The following SPOCK3 variants were observed in gnomAD, a reference collection of about 807,000 sequenced individuals.
SPOCK3 encodes testican-3.
SPOCK3 carries 30 observed loss-of-function variants against 56.6 expected under a neutral mutation model. The observed-to-expected ratio is 0.53, with a 90% CI of 0.40 to 0.72. The LOEUF (loss-of-function observed/expected upper bound fraction) is 0.72, where lower values mean the gene tolerates loss of function less well. Ranked by LOEUF, SPOCK3 falls within the 30% of genes least tolerant of loss-of-function variation. SPOCK3 has a pLI of 0.00. For synonymous variants in SPOCK3, 196 were observed against 183.3 expected (o/e 1.07, Z -0.56); for missense variants, 527 against 530.0 (o/e 0.99, Z 0.06).
intron 2 of SPOCK3, among the ~76,000 whole-genome samples, chr4:167,104,091 G>A (rs918001410): frequency 2.6e-5 from 4 of 152,212 alleles, no homozygotes; most frequent in Admixed American, 6.5e-5. Flanking sequence ...TTTCAAGTAC[G>A]TAAAAAGTCT....
intron 3 of SPOCK3, among the ~76,000 whole-genome samples, chr4:167,042,209 G>C (rs563217500): frequency 4.1e-4 from 62 of 152,226 alleles, no homozygotes; most frequent in Non-Finnish European, 6.9e-4. Context: ...CTTTAGTCAG[G>C]CCTCCTTATC....
intron 4 of SPOCK3, among the ~76,000 whole-genome samples, chr4:166,981,573 TG>T (rs1746577025): frequency 6.6e-6 from 1 of 152,118 alleles, no homozygotes; most frequent in African/African-American, 2.4e-5. Flanking sequence ...AGGGAGGAAG[TG>T]CATGCTGATT....
At chr4:166,775,164 A>G (rs1386264262) in intron 7 of SPOCK3, among the ~76,000 whole-genome samples, 2 of 152,160 alleles carry the variant, frequency 1.3e-5, no homozygotes, top group African/African-American at 4.8e-5. Context: ...ATCTATGGTC[A>G]GAGCATGATT....
chr4:167,221,748 T>G (rs1369138407), intron 2 of SPOCK3, among the ~76,000 whole-genome samples: 1 of 152,070 alleles, frequency 6.6e-6, no homozygotes, highest in Non-Finnish European at 1.5e-5. Context: ...AAAACCACAA[T>G]ATCAACTCAC....
At position 166,742,544 on chromosome 4, in the gene SPOCK3, G is replaced by T. The variant is rs959140895; in HGVS notation, c.932-485C>A. Reference sequence around the variant, plus strand: ...TTCTGTGATATAGACAAGTAACTTTGTGTTACAAAAGTAATCTAGGAAAAA... The same window carrying T: ...TTCTGTGATATAGACAAGTAACTTTTTGTTACAAAAGTAATCTAGGAAAAA... On this transcript the variant is annotated intron_variant, in intron 8 of 10. Coordinates refer to ENST00000357545, the MANE Select transcript of SPOCK3 (RefSeq NM_001040159.2). 2.0e-5 allele frequency among the ~76,000 whole-genome samples: 3 copies of T among 151,994 alleles called. No homozygotes were observed. In the East Asian group the frequency reaches 5.8e-4, roughly 29 times the overall value.
intron 6 of SPOCK3, among the ~76,000 whole-genome samples, chr4:166,846,799 G>C (rs963918901): frequency 1.3e-5 from 2 of 152,038 alleles, no homozygotes; most frequent in African/African-American, 4.8e-5. Context: ...TAGCCTAACA[G>C]AATATTGTAG....
chr4:166,771,239 T>TAA (rs1738896042), intron 7 of SPOCK3, among the ~76,000 whole-genome samples: 1 of 151,896 alleles, frequency 6.6e-6, no homozygotes, highest in East Asian at 1.9e-4. Flanking sequence ...GGTATATATA[T>TAA]AATTTACAAT....
intron 3 of SPOCK3, among the ~76,000 whole-genome samples, chr4:167,056,682 A>G (rs2150232615): frequency 6.6e-6 from 1 of 152,334 alleles, no homozygotes; most frequent in Non-Finnish European, 1.5e-5. Flanking sequence ...AAGAAAGGGT[A>G]TCAGTGATGG....
intron 2 of SPOCK3, among the ~76,000 whole-genome samples, chr4:167,166,131 T>C (rs1765740588): frequency 6.6e-6 from 1 of 152,206 alleles, no homozygotes; most frequent in Middle Eastern, 3.4e-3. Flanking sequence ...AAATTACTAC[T>C]GTTATAAAAC....
At chr4:166,888,538 TAAGTC>T (rs1298882581) in intron 6 of SPOCK3, among the ~76,000 whole-genome samples, 5 of 152,038 alleles carry the variant, frequency 3.3e-5, no homozygotes, top group African/African-American at 4.8e-5. Flanking sequence ...TAAATAATCT[TAAGTC>T]AAGTTATATA....
chr4:166,848,921 G>C (rs1197226464), intron 6 of SPOCK3, among the ~76,000 whole-genome samples: 2 of 152,150 alleles, frequency 1.3e-5, no homozygotes, highest in Non-Finnish European at 2.9e-5. Flanking sequence ...TGTAAACTAT[G>C]TCGTTGATTG....
chr4:167,160,788 G>A (rs548405810), intron 2 of SPOCK3, among the ~76,000 whole-genome samples: 48 of 152,250 alleles, frequency 3.2e-4, no homozygotes, highest in African/African-American at 1.2e-3. Flanking sequence ...CAAGAAATGG[G>A]AAAGGACTCC....
At chr4:167,110,289 T>C (rs552040605) in intron 2 of SPOCK3, among the ~76,000 whole-genome samples, 1 of 152,068 alleles carries the variant, frequency 6.6e-6, no homozygotes, top group Admixed American at 6.6e-5. Flanking sequence ...CCATCTTTCC[T>C]CAGGTTATGG....
intron 2 of SPOCK3, among the ~76,000 whole-genome samples, chr4:167,167,932 A>C (rs1242208053): frequency 1.3e-5 from 2 of 152,074 alleles, no homozygotes; most frequent in Non-Finnish European, 2.9e-5. Context: ...GAGAAAACTG[A>C]ATCATGGGGG....
chr4:167,135,820 C>T (rs889428466), intron 2 of SPOCK3, among the ~76,000 whole-genome samples: 1 of 151,962 alleles, frequency 6.6e-6, no homozygotes, highest in African/African-American at 2.4e-5. Flanking sequence ...AAGGAAAACA[C>T]ATTCATTCTC....
At chr4:167,216,453 C>T (rs1054113023) in intron 2 of SPOCK3, among the ~76,000 whole-genome samples, 10 of 151,992 alleles carry the variant, frequency 6.6e-5, no homozygotes, top group African/African-American at 2.4e-4. Context: ...AGGTTATCTA[C>T]AAGACTAGCC....
intron 7 of SPOCK3, among the ~76,000 whole-genome samples, chr4:166,764,000 G>T (rs1350196490): frequency 6.6e-6 from 1 of 152,016 alleles, no homozygotes; most frequent in Non-Finnish European, 1.5e-5. Flanking sequence ...TTGCTGGCAA[G>T]ATTTAGTTAT....
chr4:167,038,281 TA>T (rs1752937476), intron 3 of SPOCK3, among the ~76,000 whole-genome samples: 1 of 152,166 alleles, frequency 6.6e-6, no homozygotes, highest in Admixed American at 6.5e-5. Flanking sequence ...ATAAGAGAAT[TA>T]AAAATGGTTT....
chr4:167,213,000 AC>A (rs1477009091), intron 2 of SPOCK3, among the ~76,000 whole-genome samples: 1 of 152,166 alleles, frequency 6.6e-6, no homozygotes, highest in African/African-American at 2.4e-5. Context: ...TTTGGCCACT[AC>A]CCCGTCTGTA....
Sources: allele counts gnomAD v4.1 joint callset (sites outside exome capture counted in the v4.1 genomes callset), GRCh38; gene constraint gnomAD v4.1.1; transcripts MANE v1.5; gene names NCBI Gene and HGNC (gene_info 2026-07-23, HGNC 2026-07-21).